The following GALNT13 variants were observed in gnomAD, a reference collection of about 807,000 sequenced individuals.
GALNT13 encodes the protein polypeptide N-acetylgalactosaminyltransferase 13, also known as UDP-GalNAc:polypeptide N-acetylgalactosaminyltransferase 13.
A neutral mutation model predicts 64.2 loss-of-function variants in GALNT13; 28 were observed. The observed-to-expected ratio is 0.44, with a 90% CI of 0.32 to 0.60. GALNT13 has a LOEUF of 0.60. GALNT13 is among the 20% of genes least tolerant of loss of function. The pLI is 0.05. For synonymous variants in GALNT13, 214 were observed against 224.6 expected, an observed-to-expected ratio of 0.95 and a Z score of 0.42; for missense variants, 577 against 669.8, an observed-to-expected ratio of 0.86 and a Z score of 1.53.
chr2:154,054,122 G>A (rs145477422), intron 3 of GALNT13, among the ~76,000 whole-genome samples: 39 of 151,576 alleles, frequency 2.6e-4, no homozygotes, highest in Middle Eastern at 3.4e-3. Flanking sequence ...TTTTTTTCTT[G>A]CAAACACATT....
At chr2:153,791,865 C>A in the GALNT13 span, among the ~76,000 whole-genome samples, 1 of 151,908 alleles carries the variant, frequency 6.6e-6, no homozygotes, top group Admixed American at 6.6e-5. Context: ...TAAGTGGGAG[C>A]CAAATGATGA....
Position 154,231,433 on chromosome 2 carries a change from G to T in GALNT13, c.312-10597G>T, listed in dbSNP as rs1423825910. ...TTCTATTGATGATGTTGCTCTTATA[G>T]ATGGATTTTGTTTTGTTTTGTTTTT... is the stretch of plus-strand genomic sequence containing the variant. On this transcript the variant is annotated intron_variant, in intron 4 of 12. Transcript: ENST00000392825. 2.6e-5 allele frequency among the ~76,000 whole-genome samples: 4 copies of T among 152,080 alleles called. No individual in the cohort carries two copies. The East Asian group carries it at 5.8e-4, about 22-fold the overall frequency.
chr2:154,187,203 A>G (rs1224822766), intron 4 of GALNT13, among the ~76,000 whole-genome samples: 1 of 152,084 alleles, frequency 6.6e-6, no homozygotes, highest in Non-Finnish European at 1.5e-5. Flanking sequence ...TTTTTGTCAA[A>G]CATATCTGAT....
At chr2:153,669,345 A>T in the GALNT13 span, among the ~76,000 whole-genome samples, 1 of 152,134 alleles carries the variant, frequency 6.6e-6, no homozygotes, top group Non-Finnish European at 1.5e-5. Flanking sequence ...CCACCATGCC[A>T]TTGCTTGCCA....
At chr2:153,516,180 ATTAT>A in the GALNT13 span, among the ~76,000 whole-genome samples, 13 of 152,274 alleles carry the variant, frequency 8.5e-5, no homozygotes, top group African/African-American at 2.6e-4. Context: ...CAGTATTTTA[ATTAT>A]TTATTTATCA....
intron 9 of GALNT13, among the ~76,000 whole-genome samples, chr2:154,393,524 A>T (rs2105356646): frequency 6.6e-6 from 1 of 152,304 alleles, no homozygotes; most frequent in South Asian, 2.1e-4. Flanking sequence ...AAGAAGAAAA[A>T]CATGGATTCA....
At chr2:153,620,131 T>C in the GALNT13 span, among the ~76,000 whole-genome samples, 1 of 152,060 alleles carries the variant, frequency 6.6e-6, no homozygotes, top group African/African-American at 2.4e-5. Context: ...AGGCATTTAT[T>C]TTTATTTTTT....
the GALNT13 span, among the ~76,000 whole-genome samples, chr2:153,647,658 G>A: frequency 0.17 from 26,140 of 152,066 alleles, 2,774 homozygotes; most frequent in Non-Finnish European, 0.23. Context: ...TGTAAGGAAG[G>A]GATCCAGTTT....
At chr2:153,366,075 G>T in the GALNT13 span, among the ~76,000 whole-genome samples, 1 of 152,110 alleles carries the variant, frequency 6.6e-6, no homozygotes, top group Non-Finnish European at 1.5e-5. Flanking sequence ...AAAGGAATGA[G>T]GTCATGTCCT....
At chr2:153,110,477 GT>G in the GALNT13 span, among the ~76,000 whole-genome samples, 1 of 152,142 alleles carries the variant, frequency 6.6e-6, no homozygotes, top group African/African-American at 2.4e-5. Flanking sequence ...AATTTGGTCT[GT>G]TTTTTTCCTT....
intron 3 of GALNT13, among the ~76,000 whole-genome samples, chr2:154,090,172 G>A (rs577578342): frequency 6.6e-6 from 1 of 152,188 alleles, no homozygotes; most frequent in African/African-American, 2.4e-5. Context: ...TAACTTTAGT[G>A]TGGAATACTC....
chr2:154,383,721 C>T (rs1698382465), intron 9 of GALNT13, among the ~76,000 whole-genome samples: 1 of 151,662 alleles, frequency 6.6e-6, no homozygotes, highest in African/African-American at 2.4e-5. Context: ...ATCAATGAGG[C>T]CAACTAATAC....
At chr2:153,139,494 C>T in the GALNT13 span, among the ~76,000 whole-genome samples, 3 of 151,910 alleles carry the variant, frequency 2.0e-5, no homozygotes, top group Non-Finnish European at 4.4e-5. Context: ...AGATTGCCTA[C>T]GATGGGGCGA....
intron 1 of GALNT13, among the ~76,000 whole-genome samples, chr2:153,880,657 C>G (rs78008815): frequency 1.3e-5 from 2 of 152,074 alleles, no homozygotes; most frequent in East Asian, 3.9e-4. Context: ...ATCATTCAGT[C>G]TCAAATAGGA....
chr2:154,373,565 C>G lies in GALNT13; in HGVS notation c.1157-22426C>G, dbSNP rs973908418. 2.6e-5 allele frequency among the ~76,000 whole-genome samples: 4 copies of G among 152,252 alleles called. No homozygotes were observed. The East Asian group carries it at 5.8e-4, about 22-fold the overall frequency. On this transcript the variant is annotated intron_variant, in intron 9 of 12. Coordinates refer to ENST00000392825, the MANE Select transcript of GALNT13 (RefSeq NM_052917.4). ...AGCATATAGACAGTAAGGGATAGAA[C>G]AGACAACTTCATCACTGGACTTTTT...
the GALNT13 span, among the ~76,000 whole-genome samples, chr2:153,495,193 G>C: frequency 6.6e-6 from 1 of 151,978 alleles, no homozygotes; most frequent in Non-Finnish European, 1.5e-5. Flanking sequence ...TACATCACTG[G>C]TAGGACTACA....
chr2:154,184,666 A>T (rs1686154384), intron 4 of GALNT13, among the ~76,000 whole-genome samples: 2 of 152,100 alleles, frequency 1.3e-5, no homozygotes. Context: ...GCTATATAAG[A>T]TGTATGGCAA....
chr2:153,121,034 T>C, the GALNT13 span, among the ~76,000 whole-genome samples: 1 of 152,180 alleles, frequency 6.6e-6, no homozygotes, highest in Non-Finnish European at 1.5e-5. Flanking sequence ...GCTGCTCCAG[T>C]TAGAAAGACC....
chr2:153,119,745 G>A, the GALNT13 span, among the ~76,000 whole-genome samples: 1 of 152,194 alleles, frequency 6.6e-6, no homozygotes, highest in Non-Finnish European at 1.5e-5. Context: ...ACCCTTCAGA[G>A]AATACCCTAG....
Sources: gnomAD v4.1 joint callset for allele counts (sites outside exome capture counted in the v4.1 genomes callset) on GRCh38, gnomAD v4.1.1 for gene constraint, MANE v1.5 for transcripts, NCBI Gene and HGNC (gene_info 2026-07-23, HGNC 2026-07-21) for gene names.